The following HCN1 variants were observed in gnomAD, a reference collection of about 807,000 sequenced individuals.
HCN1 encodes hyperpolarization activated cyclic nucleotide gated potassium channel 1, also known as potassium/sodium hyperpolarization-activated cyclic nucleotide-gated channel 1.
In HCN1, 13 loss-of-function variants were observed where a neutral mutation model predicts 78.9. That is an observed-to-expected ratio of 0.16 (90% CI 0.11 to 0.26). The LOEUF (loss-of-function observed/expected upper bound fraction) is 0.26. Among genes scored for constraint, HCN1 ranks in the 10% least tolerant of loss-of-function variants. The pLI is 1.00. For missense variants in HCN1, 810 were observed against 1,154.3 expected (o/e 0.70, Z 4.32); for synonymous variants, 552 against 455.5 (o/e 1.21, Z -2.70).
intron 1 of HCN1, among the ~76,000 whole-genome samples, chr5:45,653,976 TAATCAGGTATA>T (rs1317664384): frequency 2.0e-5 from 3 of 152,126 alleles, no homozygotes; most frequent in African/African-American, 7.2e-5. Context: ...ATTTCAAAAT[TAATCAGGTATA>T]AGCCTTTATT....
chr5:45,389,134 G>T (rs1747989519), intron 4 of HCN1, among the ~76,000 whole-genome samples: 2 of 152,024 alleles, frequency 1.3e-5, no homozygotes, highest in Non-Finnish European at 2.9e-5. Context: ...CACCTAAACT[G>T]ATCCCTATCA....
chr5:45,323,975 G>T (rs1334577192), intron 5 of HCN1, among the ~76,000 whole-genome samples: 1 of 151,922 alleles, frequency 6.6e-6, no homozygotes, highest in Non-Finnish European at 1.5e-5. Context: ...GGACATTTGG[G>T]TTGGTTCCAA....
intron 4 of HCN1, among the ~76,000 whole-genome samples, chr5:45,372,898 C>T (rs1050056819): frequency 1.2e-3 from 164 of 138,626 alleles, no homozygotes; most frequent in African/African-American, 3.4e-3. Flanking sequence ...AAAATATGTA[C>T]GTATTCTATA....
Position 45,256,958 on chromosome 5 carries a change from C to T in HCN1, c.*4963G>A, listed in dbSNP as rs1038499966. On this transcript the variant is annotated 3_prime_UTR_variant, in exon 8 of 8. Coordinates refer to ENST00000303230, the MANE Select transcript of HCN1 (RefSeq NM_021072.4). ...TTCTAGCTCTTATCTTCTTGTACCC[C>T]TTCCCTGCCGCAATATATTATCTTA... 1.3e-5 allele frequency: 2 copies of T among 152,200 alleles called. No individual in the cohort carries two copies. The highest frequency in any genetic ancestry group is 6.5e-5 in the Admixed American group (1 of 15,280). The allele number at this position is 152,200 out of a possible 1,614,324, so 9.4% of individuals were successfully genotyped here.
chr5:45,367,996 G>A (rs1257898516), intron 4 of HCN1, among the ~76,000 whole-genome samples: 2 of 151,900 alleles, frequency 1.3e-5, no homozygotes, highest in African/African-American at 4.8e-5. Context: ...GGACCAATAG[G>A]TTACTGGATC....
rs1379530968 is a variant in HCN1, at chr5:45,448,941, C to T, written c.1011+12905G>A. Reference sequence around the variant, plus strand: ...CCAGCCTGGCCAACATGGGAAAATCCTGTTTTTACTAAAAATACAAAAGTT... The same window carrying T: ...CCAGCCTGGCCAACATGGGAAAATCTTGTTTTTACTAAAAATACAAAAGTT... On this transcript the variant is annotated intron_variant, in intron 3 of 7. Transcript: ENST00000303230. 2.6e-5 allele frequency among the ~76,000 whole-genome samples: 4 copies of T among 152,224 alleles called. No individual in the cohort carries two copies. The East Asian group carries it at 5.8e-4, about 22-fold the overall frequency.
chr5:45,306,653 A>C (rs1745740074), intron 5 of HCN1, among the ~76,000 whole-genome samples: 1 of 152,148 alleles, frequency 6.6e-6, no homozygotes, highest in Admixed American at 6.6e-5. Context: ...TCATGTAAGT[A>C]TAGAATGAAG....
intron 2 of HCN1, among the ~76,000 whole-genome samples, chr5:45,506,679 A>G (rs1374544030): frequency 6.6e-6 from 1 of 152,120 alleles, no homozygotes; most frequent in African/African-American, 2.4e-5. Flanking sequence ...TTTATTCATG[A>G]CTAGGAAAGG....
intron 3 of HCN1, among the ~76,000 whole-genome samples, chr5:45,447,666 G>A (rs1740827325): frequency 6.6e-6 from 1 of 152,118 alleles, no homozygotes; most frequent in African/African-American, 2.4e-5. Context: ...TCTGGGGAGA[G>A]AAAACATTCG....
chr5:45,376,498 C>A (rs1204396057), intron 4 of HCN1, among the ~76,000 whole-genome samples: 1 of 150,178 alleles, frequency 6.7e-6, no homozygotes, highest in African/African-American at 2.4e-5. Context: ...ACTTGTCAGC[C>A]TCCAGAACTG....
At chr5:45,528,469 C>T (rs1742783026) in intron 2 of HCN1, among the ~76,000 whole-genome samples, 1 of 151,886 alleles carries the variant, frequency 6.6e-6, no homozygotes, top group Non-Finnish European at 1.5e-5. Context: ...ATTAATATCG[C>T]TTCTGACAAA....
At chr5:45,390,151 C>T (rs1739507478) in intron 4 of HCN1, among the ~76,000 whole-genome samples, 1 of 152,134 alleles carries the variant, frequency 6.6e-6, no homozygotes, top group Non-Finnish European at 1.5e-5. Flanking sequence ...GTGACTAATC[C>T]TGCCTGCTGA....
chr5:45,658,184 T>C (rs1205607192), intron 1 of HCN1, among the ~76,000 whole-genome samples: 1 of 152,140 alleles, frequency 6.6e-6, no homozygotes, highest in Non-Finnish European at 1.5e-5. Context: ...TGGCTAGCCA[T>C]ATGTAGAAAG....
At chr5:45,316,668 T>C (rs1164316620) in intron 5 of HCN1, among the ~76,000 whole-genome samples, 1 of 152,156 alleles carries the variant, frequency 6.6e-6, no homozygotes, top group Admixed American at 6.6e-5. Context: ...GAAAAACCCA[T>C]CGTCTCAGCC....
At chr5:45,414,611 C>G (rs1372317099) in intron 3 of HCN1, among the ~76,000 whole-genome samples, 2 of 152,054 alleles carry the variant, frequency 1.3e-5, no homozygotes, top group Admixed American at 6.6e-5. Context: ...AGAAGAACAG[C>G]TGAACAGTAT....
intron 4 of HCN1, among the ~76,000 whole-genome samples, chr5:45,365,416 T>G (rs187176709): frequency 3.3e-5 from 5 of 152,130 alleles, no homozygotes; most frequent in African/African-American, 1.2e-4. Context: ...CCCATTGTTT[T>G]GCTCACATTT....
At chr5:45,368,803 G>A (rs1203164452) in intron 4 of HCN1, among the ~76,000 whole-genome samples, 3 of 151,854 alleles carry the variant, frequency 2.0e-5, no homozygotes, top group Admixed American at 6.6e-5. Context: ...CTCATACACC[G>A]CTTCTGTCAG....
At chr5:45,345,289 G>T (rs763820898) in intron 5 of HCN1, among the ~76,000 whole-genome samples, 1 of 152,158 alleles carries the variant, frequency 6.6e-6, no homozygotes, top group Non-Finnish European at 1.5e-5. Context: ...AGACCTCCAG[G>T]TCTGTGATGG....
At chr5:45,527,549 C>G (rs1430764845) in intron 2 of HCN1, among the ~76,000 whole-genome samples, 1 of 151,516 alleles carries the variant, frequency 6.6e-6, no homozygotes, top group African/African-American at 2.4e-5. Context: ...TCTCTTTTCT[C>G]TCTCTTTCTC....
Sources: gnomAD v4.1 joint callset for allele counts (sites outside exome capture counted in the v4.1 genomes callset) on GRCh38, gnomAD v4.1.1 for gene constraint, MANE v1.5 for transcripts, NCBI Gene and HGNC (gene_info 2026-07-23, HGNC 2026-07-21) for gene names.